SPIDR: variants seen among roughly 807,000 people sequenced by gnomAD.
The protein encoded by SPIDR is scaffold protein involved in DNA repair.
In SPIDR, 93 loss-of-function variants were observed where a neutral mutation model predicts 104.6. That is an observed-to-expected ratio of 0.89 (90% CI 0.75 to 1.06). The LOEUF (loss-of-function observed/expected upper bound fraction) is 1.06. SPIDR is among the 50% of genes least tolerant of loss of function. SPIDR has a pLI of 0.00. For missense variants in SPIDR, 1,154 were observed against 1,111.2 expected, an observed-to-expected ratio of 1.04 and a Z score of -0.55; for synonymous variants, 431 against 416.9, an observed-to-expected ratio of 1.03 and a Z score of -0.41.
At chr8:47,677,448 T>C (rs964775885) in intron 11 of SPIDR, among the ~76,000 whole-genome samples, 8 of 152,208 alleles carry the variant, frequency 5.3e-5, no homozygotes, top group African/African-American at 1.9e-4. Context: ...AGTTCAAAAA[T>C]CTGGTATTTA....
chr8:47,700,518 C>CA, intron 12 of SPIDR, 28 bp downstream of exon 12: 1 of 1,610,778 alleles, frequency 6.2e-7, no homozygotes, highest in Non-Finnish European at 8.5e-7. Context: ...AAAACTTCCC[C>CA]AGTCACAGAC....
At chr8:47,700,894 A>G (rs376806384) in intron 12 of SPIDR, among the ~76,000 whole-genome samples, 6 of 152,232 alleles carry the variant, frequency 3.9e-5, no homozygotes, top group Admixed American at 3.3e-4. Context: ...AATACAATCC[A>G]TAGACATTCG....
At chr8:47,575,242 G>A (rs1197189695) in intron 8 of SPIDR, among the ~76,000 whole-genome samples, 1 of 152,044 alleles carries the variant, frequency 6.6e-6, no homozygotes, top group African/African-American at 2.4e-5. Context: ...TCAGGTTTGT[G>A]GTTATTGACA....
chr8:47,475,338 ATG>A (rs1251750335), intron 8 of SPIDR, among the ~76,000 whole-genome samples: 1 of 152,244 alleles, frequency 6.6e-6, no homozygotes, highest in Non-Finnish European at 1.5e-5. Flanking sequence ...GAGTGCAGTC[ATG>A]AAAGATAGCA....
chr8:47,589,915 C>T (rs1369269010), intron 8 of SPIDR, among the ~76,000 whole-genome samples: 1 of 152,018 alleles, frequency 6.6e-6, no homozygotes, highest in Non-Finnish European at 1.5e-5. Flanking sequence ...CCCCTGTAAT[C>T]CCAGCACTTT....
intron 8 of SPIDR, among the ~76,000 whole-genome samples, chr8:47,570,401 A>G (rs1321548810): frequency 6.6e-6 from 1 of 152,214 alleles, no homozygotes; most frequent in African/African-American, 2.4e-5. Context: ...AACATATACA[A>G]AAATTAACTC....
At chr8:47,670,349 T>TG (rs1444528307) in intron 10 of SPIDR, among the ~76,000 whole-genome samples, 2 of 152,188 alleles carry the variant, frequency 1.3e-5, no homozygotes, top group Non-Finnish European at 2.9e-5. Context: ...CTTTTATACC[T>TG]GCTCTCAGGT....
At chr8:47,728,849 A>G (rs2084738458) in intron 17 of SPIDR, 84 bp from the exon 18 acceptor site, 8 of 1,473,442 alleles carry the variant, frequency 5.4e-6, no homozygotes, top group Non-Finnish European at 5.5e-6. Flanking sequence ...GCAGACACTC[A>G]TGTTTAAGAA....
intron 8 of SPIDR, among the ~76,000 whole-genome samples, chr8:47,505,898 T>G (rs2081405905): frequency 6.6e-6 from 1 of 152,230 alleles, no homozygotes; most frequent in Non-Finnish European, 1.5e-5. Flanking sequence ...TAAGTATACT[T>G]AGCCTATATC....
intron 11 of SPIDR, among the ~76,000 whole-genome samples, chr8:47,681,041 C>T (rs562496311): frequency 3.3e-5 from 5 of 152,238 alleles, no homozygotes; most frequent in African/African-American, 4.8e-5. Context: ...CCAGCCTGGA[C>T]GAAAGAGCAA....
At chr8:47,725,337 C>T (rs1281415102) in intron 16 of SPIDR, among the ~76,000 whole-genome samples, 3 of 152,182 alleles carry the variant, frequency 2.0e-5, no homozygotes, top group African/African-American at 7.2e-5. Flanking sequence ...GTGTCCTCAA[C>T]CCTGATGTAA....
At chr8:47,507,735 A>G (rs1021186805) in intron 8 of SPIDR, among the ~76,000 whole-genome samples, 2 of 152,212 alleles carry the variant, frequency 1.3e-5, no homozygotes, top group Non-Finnish European at 2.9e-5. Flanking sequence ...TCCCATGGCC[A>G]TGTTTTCACA....
intron 5 of SPIDR, among the ~76,000 whole-genome samples, chr8:47,300,965 G>T (rs2154247381): frequency 2.0e-5 from 3 of 152,242 alleles, no homozygotes; most frequent in East Asian, 3.9e-4. Flanking sequence ...TATTAGGTCC[G>T]CTTGGTCCAG....
chr8:47,507,781 A>G (rs1232248851), intron 8 of SPIDR, among the ~76,000 whole-genome samples: 1 of 152,158 alleles, frequency 6.6e-6, no homozygotes, highest in Non-Finnish European at 1.5e-5. Flanking sequence ...TTCATTCTCC[A>G]CTAGGAGCCA....
chr8:47,662,780 G>A (rs905877803), intron 10 of SPIDR, among the ~76,000 whole-genome samples: 7 of 152,106 alleles, frequency 4.6e-5, no homozygotes, highest in Non-Finnish European at 7.4e-5. Flanking sequence ...ATCTTTACCC[G>A]CAAGGTATTA....
intron 5 of SPIDR, among the ~76,000 whole-genome samples, chr8:47,328,346 A>G (rs1489277405): frequency 6.6e-6 from 1 of 150,938 alleles, no homozygotes; most frequent in Non-Finnish European, 1.5e-5. Context: ...GCAGCCTTGA[A>G]CCTCTGGGCC....
At chr8:47,412,623 A>T (rs1260174166) in intron 7 of SPIDR, among the ~76,000 whole-genome samples, 1 of 152,132 alleles carries the variant, frequency 6.6e-6, no homozygotes, top group Non-Finnish European at 1.5e-5. Context: ...CATATCCTTA[A>T]CTTGTGATTA....
chr8:47,565,053 C>T (rs2057606917), intron 8 of SPIDR, among the ~76,000 whole-genome samples: 1 of 152,104 alleles, frequency 6.6e-6, no homozygotes, highest in Non-Finnish European at 1.5e-5. Context: ...TCAAGACCAG[C>T]CTGACCAACA....
chr8:47,503,042 G>A (rs1291117315), intron 8 of SPIDR, among the ~76,000 whole-genome samples: 3 of 152,224 alleles, frequency 2.0e-5, no homozygotes, highest in Non-Finnish European at 4.4e-5. Flanking sequence ...TTGCTGAGGA[G>A]TGCTTTACTT....
Sources: allele counts gnomAD v4.1 joint callset (sites outside exome capture counted in the v4.1 genomes callset), GRCh38; gene constraint gnomAD v4.1.1; transcripts MANE v1.5; gene names NCBI Gene and HGNC (gene_info 2026-07-23, HGNC 2026-07-21).